The following ZNF568 variants were observed in gnomAD, a reference collection of about 807,000 sequenced individuals.
ZNF568 encodes the protein zinc finger protein 568.
A neutral mutation model predicts 18.1 loss-of-function variants in ZNF568; 11 were observed. That is an observed-to-expected ratio of 0.61 (90% CI 0.38 to 1.00). The LOEUF (loss-of-function observed/expected upper bound fraction) is 1.00. Ranked by LOEUF, ZNF568 falls within the 50% of genes least tolerant of loss-of-function variation. ZNF568 has a pLI of 0.01. For missense variants in ZNF568, 639 were observed against 768.2 expected (o/e 0.83, Z 1.99); for synonymous variants, 213 against 246.6 (o/e 0.86, Z 1.28).
In ZNF568 at chr19:36,949,577, A is replaced by T; in HGVS notation, c.424A>T (p.Ile142Phe). 1.2e-6 allele frequency: 2 copies of T among 1,612,760 alleles called. No homozygotes were observed. Among genetic ancestry groups the T allele is most frequent in the Non-Finnish European group, 1.7e-6 (2 of 1,179,446 alleles). Reference protein sequence around the residue: ...QETLVRKVTSISKKILIKEKV... With the variant: ...QETLVRKVTSFSKKILIKEKV... Reference sequence around the variant, plus strand: ...AACACTTGTGAGGAAAGTCACATCCATCTCCAAGAAAATTCTGATAAAGGA... The same window carrying T: ...AACACTTGTGAGGAAAGTCACATCCTTCTCCAAGAAAATTCTGATAAAGGA... The change falls in exon 7 of 7, where the codon ATC becomes TTC. Residue 142 changes from isoleucine to phenylalanine, a missense_variant. By Grantham distance (21) the Ile-to-Phe change is conservative. Coordinates refer to ENST00000333987, the MANE Select transcript of ZNF568 (RefSeq NM_198539.4).
chr19:36,941,049 C>T (rs1208456172), intron 6 of ZNF568, among the ~76,000 whole-genome samples: 1 of 152,050 alleles, frequency 6.6e-6, no homozygotes. Flanking sequence ...ATTTTGTTGT[C>T]AATTTAGTTT....
chr19:36,976,001 C>A (rs1315145846), intron 7 of ZNF568, among the ~76,000 whole-genome samples: 4 of 152,136 alleles, frequency 2.6e-5, no homozygotes, highest in African/African-American at 9.7e-5. Context: ...GCCTCAATTT[C>A]TTATAACCTG....
chr19:36,937,329 T>A (rs759756828), intron 6 of ZNF568, 87 bp downstream of exon 6: 35 of 1,158,926 alleles, frequency 3.0e-5, no homozygotes, highest in African/African-American at 4.6e-5. Context: ...ATTTCCAAGA[T>A]TTTCTTAAAG....
intron 3 of ZNF568, among the ~76,000 whole-genome samples, chr19:36,924,167 A>C (rs781498515): frequency 3.3e-5 from 5 of 152,082 alleles, no homozygotes; most frequent in Admixed American, 2.0e-4. Flanking sequence ...ATCCTATCTT[A>C]TCAATGTTCC....
At chr19:36,964,872 C>G (rs1484417392) in intron 6 of ZNF568, among the ~76,000 whole-genome samples, 1 of 152,086 alleles carries the variant, frequency 6.6e-6, no homozygotes, top group Non-Finnish European at 1.5e-5. Flanking sequence ...GAGCTTGTAG[C>G]AGATGACAAC....
chr19:36,962,907 C>T (rs1391571822), intron 6 of ZNF568, among the ~76,000 whole-genome samples: 3 of 151,934 alleles, frequency 2.0e-5, no homozygotes, highest in South Asian at 2.1e-4. Context: ...TAAGGATTCA[C>T]TCTTTATCTT....
chr19:36,945,207 AGAAGTGTGTGT>A (rs2073942822), intron 6 of ZNF568, among the ~76,000 whole-genome samples: 1 of 130,044 alleles, frequency 7.7e-6, no homozygotes, highest in Non-Finnish European at 1.6e-5. Flanking sequence ...AGACAGAGAG[AGAAGTGTGTGT>A]GTGTGTGTGT....
At chr19:36,939,539 T>TTTC (rs2073845509) in intron 6 of ZNF568, among the ~76,000 whole-genome samples, 1 of 55,492 alleles carries the variant, frequency 1.8e-5, no homozygotes, top group Non-Finnish European at 4.1e-5. Context: ...TTTCTTTTTT[T>TTTC]TTTTTTTTTT....
At position 36,949,537 on chromosome 19, in the gene ZNF568, C is replaced by G; in HGVS notation, c.384C>G (p.Ile128Met). The G allele has an allele frequency of 6.3e-7, 1 of 1,594,880 alleles. No homozygotes were observed. Among genetic ancestry groups the G allele is most frequent in the Non-Finnish European group, 8.5e-7 (1 of 1,172,732 alleles). ...CPEVWEVDEQ[I>M]KKQQETLVRK... ...AAGTTTGGGAAGTTGATGAACAGAT[C>G]AAGAAGCAACAGGAAACACTTGTGA... is the stretch of plus-strand genomic sequence containing the variant. Residue 128 changes from isoleucine to methionine, a missense_variant, in exon 7 of 7, where the codon ATC becomes ATG. By Grantham distance (10) the Ile-to-Met change is conservative (BLOSUM62 1). Coordinates refer to ENST00000333987, the MANE Select transcript of ZNF568 (RefSeq NM_198539.4).
intron 2 of ZNF568, 140 bp from the exon 3 acceptor site, chr19:36,922,446 A>C (rs2146267103): frequency 4.4e-6 from 1 of 225,282 alleles, no homozygotes; most frequent in South Asian, 1.2e-4. Flanking sequence ...ATGCAGGTCA[A>C]AGGTACTCAT....
At chr19:36,974,380 C>G in intron 6 of ZNF568, 4 of 1,532,530 alleles carry the variant, frequency 2.6e-6, no homozygotes, top group Non-Finnish European at 3.5e-6. Flanking sequence ...GGGAGGGATT[C>G]AGGATGGCTT....
chr19:36,926,078 A>T (rs1473325695), intron 4 of ZNF568, among the ~76,000 whole-genome samples: 1 of 152,126 alleles, frequency 6.6e-6, no homozygotes, highest in African/African-American at 2.4e-5. Context: ...CTACGTATAT[A>T]TTTTCTTCAA....
intron 6 of ZNF568, among the ~76,000 whole-genome samples, chr19:36,966,666 A>G (rs1303242329): frequency 2.6e-5 from 4 of 152,216 alleles, no homozygotes; most frequent in Non-Finnish European, 5.9e-5. Flanking sequence ...GGGTGTGGAC[A>G]TTGAAGAGGG....
chr19:36,957,588 A>G (rs1292970116), downstream of ZNF568, among the ~76,000 whole-genome samples: 2 of 152,196 alleles, frequency 1.3e-5, no homozygotes, highest in African/African-American at 4.8e-5. Context: ...ACTTGATGTC[A>G]TGGGCTAAAG....
chr19:36,994,151 A>G (rs1178764011), intron 4 of ZNF568, among the ~76,000 whole-genome samples: 1 of 150,552 alleles, frequency 6.6e-6, no homozygotes, highest in African/African-American at 2.4e-5. Flanking sequence ...AATTTTCTTC[A>G]TGATTTCTTT....
At chr19:36,947,858 A>G (rs1002556645) in intron 6 of ZNF568, among the ~76,000 whole-genome samples, 2 of 152,218 alleles carry the variant, frequency 1.3e-5, no homozygotes, top group Admixed American at 6.5e-5. Flanking sequence ...TACAGAGCTC[A>G]TGAAAAAGTA....
chr19:36,993,120 C>G (rs2074440175), intron 4 of ZNF568, among the ~76,000 whole-genome samples: 1 of 152,138 alleles, frequency 6.6e-6, no homozygotes, highest in South Asian at 2.1e-4. Context: ...AGGTTCCCTT[C>G]TTTTCTTCGT....
chr19:36,980,851 G>A (rs2035319278), downstream of ZNF568, among the ~76,000 whole-genome samples: 1 of 152,174 alleles, frequency 6.6e-6, no homozygotes, highest in African/African-American at 2.4e-5. Flanking sequence ...TTGCCTGAAA[G>A]TCAAGCTGAT....
chr19:36,976,905 C>T (rs1006261686), intron 7 of ZNF568, among the ~76,000 whole-genome samples: 4 of 151,434 alleles, frequency 2.6e-5, no homozygotes, highest in African/African-American at 9.7e-5. Context: ...AGCAAAACTC[C>T]GTCTAAGAAA....
Sources: gnomAD v4.1 joint callset for allele counts (sites outside exome capture counted in the v4.1 genomes callset) on GRCh38, gnomAD v4.1.1 for gene constraint, MANE v1.5 for transcripts, NCBI Gene and HGNC (gene_info 2026-07-23, HGNC 2026-07-21) for gene names.